Variants in ZNF385D observed in about 807,000 individuals in gnomAD.
The protein encoded by ZNF385D is zinc finger protein 385D, also known as zinc finger protein 659.
Under a neutral mutation model 35.8 loss-of-function variants are expected in ZNF385D, and 15 were observed. The ratio of observed to expected loss-of-function variants is 0.42; its 90% CI spans 0.28 to 0.64. The LOEUF is 0.64. Ranked by LOEUF, ZNF385D falls within the 30% of genes least tolerant of loss-of-function variation. ZNF385D has a pLI of 0.23. For missense variants in ZNF385D, 474 were observed against 494.6 expected (o/e 0.96, Z 0.39); for synonymous variants, 212 against 186.8 (o/e 1.13, Z -1.10).
intron 3 of ZNF385D, among the ~76,000 whole-genome samples, chr3:21,978,450 C>T (rs1471143712): frequency 6.6e-6 from 1 of 152,076 alleles, no homozygotes; most frequent in Non-Finnish European, 1.5e-5. Flanking sequence ...GAAACATAAC[C>T]CAGGAACTAT....
intron 3 of ZNF385D, among the ~76,000 whole-genome samples, chr3:21,859,040 A>G (rs546330241): frequency 6.6e-6 from 1 of 151,936 alleles, no homozygotes; most frequent in Non-Finnish European, 1.5e-5. Context: ...AACGGGGGGA[A>G]GTAGGCGGGG....
chr3:21,720,018 G>A (rs2068475848), intron 1 of ZNF385D, among the ~76,000 whole-genome samples: 1 of 151,950 alleles, frequency 6.6e-6, no homozygotes, highest in African/African-American at 2.4e-5. Flanking sequence ...TAGAATAGTG[G>A]TTGTGAAACT....
At chr3:22,215,491 T>C (rs1029095472) in intron 2 of ZNF385D, among the ~76,000 whole-genome samples, 3 of 151,958 alleles carry the variant, frequency 2.0e-5, no homozygotes, top group African/African-American at 7.2e-5. Flanking sequence ...AAGGATGAAA[T>C]AAGCCCCAGT....
At chr3:21,467,528 T>C (rs1703597101) in intron 4 of ZNF385D, among the ~76,000 whole-genome samples, 1 of 152,208 alleles carries the variant, frequency 6.6e-6, no homozygotes, top group Admixed American at 6.5e-5. Context: ...AACCTGCGAA[T>C]AGCAGAAAGG....
chr3:22,329,601 T>C (rs1302641166), intron 2 of ZNF385D, among the ~76,000 whole-genome samples: 1 of 152,198 alleles, frequency 6.6e-6, no homozygotes, highest in Non-Finnish European at 1.5e-5. Context: ...AATTTACTAA[T>C]GGCTCTTTAA....
Position 21,971,883 on chromosome 3 carries a change from G to A in ZNF385D, c.325+196934C>T, listed in dbSNP as rs1203911095. ...GACAAAGAAGGTCACTATATGTAATGATAAAGGGATGAATAAGGAGATATA... is the reference window on the plus strand; with the variant it reads ...GACAAAGAAGGTCACTATATGTAATAATAAAGGGATGAATAAGGAGATATA... On this transcript the variant is annotated intron_variant, in intron 3 of 5. Transcript: ENST00000494108. 2.0e-5 allele frequency among the ~76,000 whole-genome samples: 3 copies of A among 151,820 alleles called. 1 individual carries two copies. Among genetic ancestry groups the A allele is most frequent in the Admixed American group, 2.0e-4 (3 of 15,228 alleles).
intron 2 of ZNF385D, among the ~76,000 whole-genome samples, chr3:22,294,648 G>A (rs1434125910): frequency 6.6e-6 from 1 of 150,388 alleles, no homozygotes; most frequent in African/African-American, 2.5e-5. Flanking sequence ...TCCTGGTGCT[G>A]ATGATTACTA....
chr3:22,290,790 G>T (rs1170237239), intron 2 of ZNF385D, among the ~76,000 whole-genome samples: 1 of 152,102 alleles, frequency 6.6e-6, no homozygotes, highest in Admixed American at 6.5e-5. Flanking sequence ...TATTTGGTGT[G>T]TTGATGGAAC....
At chr3:22,283,076 A>C (rs1283444448) in intron 2 of ZNF385D, among the ~76,000 whole-genome samples, 2 of 152,140 alleles carry the variant, frequency 1.3e-5, no homozygotes, top group Non-Finnish European at 2.9e-5. Context: ...ACAGCAGTTA[A>C]AAAAGACAAA....
At chr3:22,195,392 T>G (rs958507426) in intron 2 of ZNF385D, among the ~76,000 whole-genome samples, 6 of 151,982 alleles carry the variant, frequency 3.9e-5, no homozygotes, top group African/African-American at 4.8e-5. Context: ...ATATATTTTT[T>G]CTTTCTAGAT....
intron 3 of ZNF385D, among the ~76,000 whole-genome samples, chr3:22,105,987 C>T (rs947414847): frequency 1.3e-5 from 2 of 152,106 alleles, no homozygotes; most frequent in Non-Finnish European, 2.9e-5. Context: ...TTTCATATTA[C>T]TTTAATCATA....
intron 2 of ZNF385D, among the ~76,000 whole-genome samples, chr3:22,355,659 T>TA (rs779879770): frequency 4.8e-4 from 73 of 151,774 alleles, no homozygotes; most frequent in South Asian, 1.0e-3. Context: ...GATCCTCTGT[T>TA]AAAAAAAATT....
At chr3:21,833,968 T>G (rs983549648) in intron 3 of ZNF385D, among the ~76,000 whole-genome samples, 2 of 152,182 alleles carry the variant, frequency 1.3e-5, no homozygotes, top group African/African-American at 4.8e-5. Context: ...AGAAGAGTTC[T>G]TTAATTGAAA....
chr3:21,994,803 A>C (rs62248415), intron 3 of ZNF385D, among the ~76,000 whole-genome samples: 15,116 of 152,316 alleles, frequency 0.099, 1,005 homozygotes, highest in Middle Eastern at 0.22. Flanking sequence ...CTTCAGCTGT[A>C]ATATGCATCA....
intron 3 of ZNF385D, among the ~76,000 whole-genome samples, chr3:21,852,552 C>T (rs7627928): frequency 0.038 from 5,825 of 151,922 alleles, 389 homozygotes; most frequent in African/African-American, 0.13. Flanking sequence ...TAGGGAATTA[C>T]TTTATCAAAA....
At chr3:22,358,712 A>C (rs1283737183) in intron 2 of ZNF385D, among the ~76,000 whole-genome samples, 2 of 141,172 alleles carry the variant, frequency 1.4e-5, no homozygotes, top group Non-Finnish European at 3.2e-5. Context: ...TCTGAGAAGC[A>C]AAAATAAGAT....
intron 3 of ZNF385D, among the ~76,000 whole-genome samples, chr3:21,981,389 T>C (rs1027433130): frequency 1.3e-5 from 2 of 152,146 alleles, no homozygotes; most frequent in Admixed American, 1.3e-4. Flanking sequence ...TGTCTGTTCA[T>C]GACTGAACAC....
chr3:21,958,880 A>C (rs1273958442), intron 3 of ZNF385D: 1 of 152,176 alleles, frequency 6.6e-6, no homozygotes, highest in Non-Finnish European at 1.5e-5. Flanking sequence ...AAGAAAAAGA[A>C]ATCATTGAAG....
chr3:22,067,332 T>C (rs779301787), intron 3 of ZNF385D, among the ~76,000 whole-genome samples: 2 of 152,236 alleles, frequency 1.3e-5, no homozygotes, highest in Non-Finnish European at 2.9e-5. Context: ...AACTGTCTTA[T>C]GTTCAAGTTG....
Sources: allele counts gnomAD v4.1 joint callset (sites outside exome capture counted in the v4.1 genomes callset), GRCh38; gene constraint gnomAD v4.1.1; transcripts MANE v1.5; gene names NCBI Gene and HGNC (gene_info 2026-07-23, HGNC 2026-07-21).